Variants in ADGRL2 observed in about 807,000 individuals in gnomAD.
ADGRL2 encodes the protein calcium-independent alpha-latrotoxin receptor 2.
ADGRL2 carries 44 observed loss-of-function variants against 157.4 expected under a neutral mutation model. The ratio of observed to expected loss-of-function variants is 0.28; its 90% CI spans 0.22 to 0.36. The LOEUF (loss-of-function observed/expected upper bound fraction) is 0.36. ADGRL2 is among the 10% of genes least tolerant of loss of function. The pLI is 1.00. For synonymous variants in ADGRL2, 585 were observed against 624.7 expected (o/e 0.94, Z 0.95); for missense variants, 1,510 against 1,768.9 (o/e 0.85, Z 2.63).
intron 1 of ADGRL2, among the ~76,000 whole-genome samples, chr1:81,718,336 T>TTTCTTAAGGAA (rs2084185356): frequency 6.6e-6 from 1 of 152,190 alleles, no homozygotes; most frequent in South Asian, 2.1e-4. Context: ...TTGTCCATAT[T>TTTCTTAAGGAA]TTCTTAAGGA....
chr1:81,798,846 A>C (rs986457777), upstream of ADGRL2, among the ~76,000 whole-genome samples: 7 of 152,296 alleles, frequency 4.6e-5, no homozygotes, highest in African/African-American at 1.7e-4. Flanking sequence ...ACTAAATAAA[A>C]ACTTCAGCCT....
chr1:81,911,843 T>TCC (rs2094729410), intron 3 of ADGRL2, among the ~76,000 whole-genome samples: 1 of 151,258 alleles, frequency 6.6e-6, no homozygotes, highest in African/African-American at 2.4e-5. Flanking sequence ...TGTAGTAAGG[T>TCC]GTATTTTGTA....
At chr1:81,942,083 T>C (rs781444507) in intron 5 of ADGRL2, 38 bp downstream of exon 5, 3 of 757,842 alleles carry the variant, frequency 4.0e-6, no homozygotes, top group South Asian at 1.4e-5. Context: ...CTCCCTGTTA[T>C]GTGCCTTATG....
intron 1 of ADGRL2, among the ~76,000 whole-genome samples, chr1:81,386,977 C>T (rs536004910): frequency 5.3e-5 from 8 of 152,154 alleles, no homozygotes; most frequent in African/African-American, 1.9e-4. Flanking sequence ...TGAGACCAGG[C>T]TTTTGCTTGG....
At chr1:81,551,088 T>G (rs1570469461) in intron 2 of ADGRL2, among the ~76,000 whole-genome samples, 1 of 152,308 alleles carries the variant, frequency 6.6e-6, no homozygotes, top group African/African-American at 2.4e-5. Flanking sequence ...GAGGATGAAA[T>G]TCTGATCCTG....
intron 2 of ADGRL2, among the ~76,000 whole-genome samples, chr1:81,870,311 C>T (rs919393135): frequency 1.3e-5 from 2 of 151,976 alleles, no homozygotes; most frequent in Admixed American, 6.6e-5. Context: ...CCCAGAACGA[C>T]CAGTGATCCT....
intron 15 of ADGRL2, 95 bp from the exon 16 acceptor site, chr1:81,970,219 A>G: frequency 1.2e-6 from 1 of 831,840 alleles, no homozygotes; most frequent in Non-Finnish European, 2.1e-6. Flanking sequence ...TTTTGAAATA[A>G]TAGTGATTTC....
intron 2 of ADGRL2, among the ~76,000 whole-genome samples, chr1:81,844,579 C>T (rs1424525339): frequency 6.6e-6 from 1 of 152,154 alleles, no homozygotes; most frequent in East Asian, 1.9e-4. Flanking sequence ...TTCTTTTCCC[C>T]TCCTCTGCAA....
In ADGRL2 at chr1:81,414,741, ACT is replaced by A. The variant is rs1391652383; in HGVS notation, c.-301-30292_-301-30291del. Among the ~76,000 whole-genome samples the A allele has an allele frequency of 1.3e-4, 20 of 152,118 alleles. No individual in the cohort carries two copies. In the East Asian group the frequency reaches 3.9e-3, roughly 29 times the overall value. On this transcript the variant is annotated intron_variant, in intron 1 of 24. Transcript: ENST00000370721. ...TAACAGCTGCTGAGTCTCATAGCAG[ACT>A]CTGGCTGTATTTTGGTGATGGGAAA...
intron 3 of ADGRL2, among the ~76,000 whole-genome samples, chr1:81,639,017 C>T (rs1239516728): frequency 6.6e-6 from 1 of 152,078 alleles, no homozygotes; most frequent in Non-Finnish European, 1.5e-5. Flanking sequence ...AAAAGAAAAG[C>T]AGCAAGACCC....
At chr1:81,964,985 A>G (rs1174373606) in intron 11 of ADGRL2, among the ~76,000 whole-genome samples, 1 of 152,142 alleles carries the variant, frequency 6.6e-6, no homozygotes. Flanking sequence ...TAAAATAATT[A>G]CAATCTGTAT....
chr1:81,826,695 T>A (rs2091513816), intron 1 of ADGRL2, among the ~76,000 whole-genome samples: 1 of 152,190 alleles, frequency 6.6e-6, no homozygotes, highest in South Asian at 2.1e-4. Flanking sequence ...AAGGCACCAT[T>A]TAAATGTGTG....
intron 2 of ADGRL2, among the ~76,000 whole-genome samples, chr1:81,475,058 C>T (rs1318198900): frequency 6.6e-6 from 1 of 152,118 alleles, no homozygotes; most frequent in Non-Finnish European, 1.5e-5. Context: ...GTTCCTTAGG[C>T]CCCCCAAGTC....
At chr1:81,598,847 C>T (rs78926665) in intron 3 of ADGRL2, among the ~76,000 whole-genome samples, 2,149 of 152,306 alleles carry the variant, frequency 0.014, 15 homozygotes, top group Middle Eastern at 0.031. Context: ...GGGCTTTATG[C>T]ACCCCTGAGT....
At chr1:81,342,021 T>TTGAACTAA (rs1166083265) in intron 1 of ADGRL2, among the ~76,000 whole-genome samples, 1 of 152,174 alleles carries the variant, frequency 6.6e-6, no homozygotes, top group African/African-American at 2.4e-5. Context: ...AAACTGACTG[T>TTGAACTAA]GTCTGTGAGT....
At chr1:81,371,599 A>G (rs1275941423) in intron 1 of ADGRL2, among the ~76,000 whole-genome samples, 1 of 152,242 alleles carries the variant, frequency 6.6e-6, no homozygotes, top group African/African-American at 2.4e-5. Context: ...TGTAAATGAA[A>G]CTTTGCATTA....
intron 1 of ADGRL2, among the ~76,000 whole-genome samples, chr1:81,809,829 T>G (rs1488459370): frequency 1.3e-5 from 2 of 152,028 alleles, no homozygotes; most frequent in African/African-American, 4.8e-5. Flanking sequence ...ATATCTCTTT[T>G]AAAACTGATT....
At chr1:81,691,894 A>G (rs1176921746) in intron 3 of ADGRL2, among the ~76,000 whole-genome samples, 1 of 147,738 alleles carries the variant, frequency 6.8e-6, no homozygotes, top group African/African-American at 2.5e-5. Context: ...ATATATATAT[A>G]TGTATGTGTA....
chr1:81,682,480 G>A (rs182807975), intron 3 of ADGRL2, among the ~76,000 whole-genome samples: 2 of 152,260 alleles, frequency 1.3e-5, no homozygotes, highest in East Asian at 3.9e-4. Context: ...TACTGTGTGT[G>A]TCTCTTTGGA....
Sources: gnomAD v4.1 joint callset for allele counts (sites outside exome capture counted in the v4.1 genomes callset) on GRCh38, gnomAD v4.1.1 for gene constraint, MANE v1.5 for transcripts, NCBI Gene and HGNC (gene_info 2026-07-23, HGNC 2026-07-21) for gene names.